The following CBFA2T2 variants were observed in gnomAD, a reference collection of about 807,000 sequenced individuals.
CBFA2T2 encodes protein CBFA2T2.
In CBFA2T2, 11 loss-of-function variants were observed where a neutral mutation model predicts 62.2. The observed-to-expected ratio is 0.18, with a 90% CI of 0.11 to 0.29. The LOEUF (loss-of-function observed/expected upper bound fraction) is 0.29, where lower values mean the gene tolerates loss of function less well. Among genes scored for constraint, CBFA2T2 ranks in the 10% least tolerant of loss-of-function variants. CBFA2T2 has a pLI of 1.00. For missense variants in CBFA2T2, 592 were observed against 774.1 expected, an observed-to-expected ratio of 0.76 and a Z score of 2.79; for synonymous variants, 295 against 287.5, an observed-to-expected ratio of 1.03 and a Z score of -0.27.
chr20:33,495,739 A>T (rs2146843008), intron 1 of CBFA2T2, among the ~76,000 whole-genome samples: 1 of 152,292 alleles, frequency 6.6e-6, no homozygotes, highest in African/African-American at 2.4e-5. Context: ...TAAAGTTTTG[A>T]AATTTAATTC....
Position 33,629,924 on chromosome 20 carries a change from G to C in CBFA2T2, c.1228+10G>C, listed in dbSNP as rs957552083. 1.3e-6 allele frequency: 2 copies of C among 1,588,444 alleles called. No homozygotes were observed. The highest frequency in any genetic ancestry group is 2.7e-5 in the African/African-American group (2 of 73,638). On this transcript the variant is annotated intron_variant, in intron 8 of 10. Transcript: ENST00000342704. ...GATTCTCTCAGCAATGGTAAGGGGAGAGTCTACGGGAAACCCAAAATAAAT... is the reference window on the plus strand; with the variant it reads ...GATTCTCTCAGCAATGGTAAGGGGACAGTCTACGGGAAACCCAAAATAAAT...
chr20:33,518,148 T>C (rs1195545554), intron 1 of CBFA2T2, among the ~76,000 whole-genome samples: 1 of 151,874 alleles, frequency 6.6e-6, no homozygotes, highest in African/African-American at 2.4e-5. Flanking sequence ...CTGGGTTTCA[T>C]TGTGTTAGCC....
chr20:33,505,554 C>T (rs1030504114), intron 1 of CBFA2T2, among the ~76,000 whole-genome samples: 2 of 152,056 alleles, frequency 1.3e-5, no homozygotes, highest in African/African-American at 4.8e-5. Flanking sequence ...GAGGCCGAGG[C>T]GGGTGAATCA....
At chr20:33,530,338 G>A (rs1377558791) in intron 1 of CBFA2T2, among the ~76,000 whole-genome samples, 2 of 152,156 alleles carry the variant, frequency 1.3e-5, no homozygotes, top group Non-Finnish European at 2.9e-5. Flanking sequence ...GTCATAATGA[G>A]AGCATGAGAG....
chr20:33,509,120 A>G (rs927666782), intron 1 of CBFA2T2, among the ~76,000 whole-genome samples: 1 of 152,100 alleles, frequency 6.6e-6, no homozygotes, highest in Non-Finnish European at 1.5e-5. Context: ...TAATCCCAGC[A>G]CTTTGGAAGG....
intron 3 of CBFA2T2, among the ~76,000 whole-genome samples, chr20:33,615,121 C>CA (rs1488562462): frequency 6.6e-6 from 1 of 152,100 alleles, no homozygotes; most frequent in African/African-American, 2.4e-5. Context: ...CACTTTGGTC[C>CA]AGGAGTTTGA....
intron 1 of CBFA2T2, among the ~76,000 whole-genome samples, chr20:33,496,312 G>A (rs1209870154): frequency 1.3e-5 from 2 of 152,232 alleles, no homozygotes; most frequent in African/African-American, 4.8e-5. Flanking sequence ...GGCTGGAGTT[G>A]TTCCTGGCAG....
rs1388076157 is a variant in CBFA2T2 at position 33,589,372 on chromosome 20, A to C, written c.35-17584A>C. ...AATAAAGCACTCCATTTGTATATGC[A>C]TCTTAATAGTCCTCAATGATTTAGG... On this transcript the variant is annotated intron_variant, in intron 1 of 10. Transcript: ENST00000342704. Among the ~76,000 whole-genome samples the C allele has an allele frequency of 4.6e-5, 7 of 152,334 alleles. No homozygotes were observed. The East Asian group carries it at 1.2e-3, about 25-fold the overall frequency.
chr20:33,640,027 C>G (rs534793383), intron 9 of CBFA2T2, among the ~76,000 whole-genome samples: 12 of 152,230 alleles, frequency 7.9e-5, no homozygotes, highest in Non-Finnish European at 1.6e-4. Flanking sequence ...CACTTTTCTC[C>G]TTGGAACTCT....
In CBFA2T2 at chr20:33,545,470, T is replaced by TTTCTTTCG. The variant is rs1209263074; in HGVS notation, c.34+55172_34+55173insTTTCGTTC. On this transcript the variant is annotated intron_variant, in intron 1 of 10. Coordinates refer to ENST00000342704, the MANE Select transcript of CBFA2T2 (RefSeq NM_001032999.3). ...CTTTCTTTCTTTCTTTCTTTCTTTC[T>TTTCTTTCG]TTCGTTCGTTTGTTTTCCTCTAGGC... is the stretch of plus-strand genomic sequence containing the variant. Among the ~76,000 whole-genome samples, 12 of 151,442 alleles carry TTTCTTTCG rather than the reference T, an allele frequency of 7.9e-5. No individual in the cohort carries two copies. The East Asian group carries it at 1.5e-3, about 20-fold the overall frequency.
At chr20:33,612,232 C>T (rs145600095) in intron 3 of CBFA2T2, among the ~76,000 whole-genome samples, 216 of 152,280 alleles carry the variant, frequency 1.4e-3, no homozygotes, top group African/African-American at 5.0e-3. Flanking sequence ...TTTCTGACTT[C>T]GACACCTGGG....
intron 1 of CBFA2T2, 83 bp downstream of exon 1, chr20:33,490,384 G>C: frequency 8.4e-7 from 1 of 1,195,564 alleles, no homozygotes; most frequent in Non-Finnish European, 1.0e-6. Flanking sequence ...CGAGTGCCCC[G>C]GGCGCGAGGC....
intron 1 of CBFA2T2, among the ~76,000 whole-genome samples, chr20:33,566,230 G>A (rs1280996958): frequency 1.3e-5 from 2 of 152,122 alleles, no homozygotes; most frequent in Non-Finnish European, 2.9e-5. Context: ...TTTTACGAAT[G>A]TTATTTTGAA....
intron 1 of CBFA2T2, among the ~76,000 whole-genome samples, chr20:33,558,143 T>C (rs1277741750): frequency 6.6e-6 from 1 of 151,844 alleles, no homozygotes; most frequent in African/African-American, 2.4e-5. Flanking sequence ...TCTCTTTTTT[T>C]TTTTTTTTGA....
chr20:33,629,982 A>C (rs926316189), intron 8 of CBFA2T2, 68 bp downstream of exon 8: 3 of 1,387,726 alleles, frequency 2.2e-6, no homozygotes, highest in Non-Finnish European at 1.9e-6. Flanking sequence ...TCTGTCACAG[A>C]AGGCGTTTTC....
intron 1 of CBFA2T2, among the ~76,000 whole-genome samples, chr20:33,584,849 C>T (rs184002260): frequency 6.6e-6 from 1 of 152,174 alleles, no homozygotes; most frequent in African/African-American, 2.4e-5. Flanking sequence ...TACTATATAC[C>T]AAAACATGAT....
At chr20:33,586,252 C>T (rs560935111) in intron 1 of CBFA2T2, among the ~76,000 whole-genome samples, 13 of 152,234 alleles carry the variant, frequency 8.5e-5, no homozygotes, top group African/African-American at 2.2e-4. Flanking sequence ...AATATCAGCT[C>T]ATTGCAACCT....
intron 1 of CBFA2T2, among the ~76,000 whole-genome samples, chr20:33,507,822 G>A (rs1481224949): frequency 6.6e-6 from 1 of 152,144 alleles, no homozygotes; most frequent in African/African-American, 2.4e-5. Context: ...ATTCCTAGAA[G>A]TAGAACTGCT....
chr20:33,624,108 T>C (rs2016117878), intron 5 of CBFA2T2, among the ~76,000 whole-genome samples: 1 of 151,746 alleles, frequency 6.6e-6, no homozygotes, highest in South Asian at 2.1e-4. Flanking sequence ...TCACCTTTAC[T>C]GAGATTAAAA....
Sources: allele counts gnomAD v4.1 joint callset (sites outside exome capture counted in the v4.1 genomes callset), GRCh38; gene constraint gnomAD v4.1.1; transcripts MANE v1.5; gene names NCBI Gene and HGNC (gene_info 2026-07-23, HGNC 2026-07-21).